SP2: variants seen among roughly 807,000 people sequenced by gnomAD.
The protein encoded by SP2 is transcription factor Sp2.
In SP2, 9 loss-of-function variants were observed where a neutral mutation model predicts 50.1. The observed-to-expected ratio is 0.18, with a 90% confidence interval of 0.11 to 0.31. The LOEUF (loss-of-function observed/expected upper bound fraction) is 0.31. SP2 is among the 10% of genes least tolerant of loss of function. The pLI, the probability that SP2 is intolerant of heterozygous loss-of-function variation, is 1.00. For synonymous variants in SP2, 313 were observed against 326.6 expected, an observed-to-expected ratio of 0.96 and a Z score of 0.45; for missense variants, 581 against 806.5, an observed-to-expected ratio of 0.72 and a Z score of 3.39.
At chr17:47,896,584 G>C (rs893179107) in intron 1 of SP2, among the ~76,000 whole-genome samples, 1 of 152,160 alleles carries the variant, frequency 6.6e-6, no homozygotes, top group Non-Finnish European at 1.5e-5. Context: ...AGCGGGCACC[G>C]GGGTGGCCTG....
Position 47,916,231 on chromosome 17 carries a change from G to A in SP2, c.160G>A (p.Val54Met), listed in dbSNP as rs775289047. The A allele has an allele frequency of 2.5e-6, 4 of 1,613,924 alleles. No homozygotes were observed. The highest frequency in any genetic ancestry group is 1.6e-4 in the Middle Eastern group (1 of 6,084). Residue 54 changes from valine (V) to methionine (M), a missense_variant, in exon 3 of 7, where the codon GTG becomes ATG. By Grantham distance (21) the Val-to-Met change is conservative (BLOSUM62 1). Transcript: ENST00000376741. This position sits in a 1 kb window ranked among gnomAD's most constrained non-coding sequence, Gnocchi z 4.7. ...KIGPPAVEAA[V>M]TPPAPPQPTP... ...TGGCCCTCCAGCAGTTGAAGCTGCTGTGACACCTCCTGCTCCCCCACAGCC... is the reference window on the plus strand; with the variant it reads ...TGGCCCTCCAGCAGTTGAAGCTGCTATGACACCTCCTGCTCCCCCACAGCC...
chr17:47,923,245 G>A lies in SP2; in HGVS notation c.1343G>A (p.Gly448Asp), dbSNP rs955997836. The A allele has an allele frequency of 1.2e-6, 2 of 1,606,920 alleles. No homozygotes were observed. The highest frequency in any genetic ancestry group is 2.7e-5 in the African/African-American group (2 of 75,068). The change falls in exon 4 of 7, where the codon GGC (glycine) becomes GAC (aspartate). Residue 448 changes from glycine (G) to aspartate (D), a missense_variant. Around this residue, in one of 2 missense-constraint regions of SP2, gnomAD observed 184 missense variants for 315.5 expected, o/e 0.58. Transcript: ENST00000376741. ...AACATCAATGGTGTCCAGGTCCAGG[G>A]CGTGCCTGTCACCATCACCAACACA... Reference protein sequence around the residue: ...TININGVQVQGVPVTITNTGG... With the variant: ...TININGVQVQDVPVTITNTGG...
intron 3 of SP2, among the ~76,000 whole-genome samples, chr17:47,922,444 T>C (rs1168607789): frequency 6.6e-6 from 1 of 152,252 alleles, no homozygotes; most frequent in Non-Finnish European, 1.5e-5. Flanking sequence ...TTTTCCATGT[T>C]TGTCAATCTG....
chr17:47,925,889 G>T (rs1484793372), intron 6 of SP2, among the ~76,000 whole-genome samples: 3 of 134,638 alleles, frequency 2.2e-5, no homozygotes, highest in Non-Finnish European at 4.7e-5. Context: ...TTTATGGGAA[G>T]ATACTTTGTT....
At chr17:47,920,712 C>T (rs1329757110) in intron 3 of SP2, among the ~76,000 whole-genome samples, 1 of 152,214 alleles carries the variant, frequency 6.6e-6, no homozygotes, top group Non-Finnish European at 1.5e-5. Flanking sequence ...CGAGCCACCA[C>T]ACCCAGCCTT....
In SP2 at chr17:47,927,743, C is replaced by T. The variant is rs75562971; in HGVS notation, c.1761C>T (p.Cys587=). 4.4e-4 allele frequency: 702 copies of T among 1,588,770 alleles called. 6 individuals carry two copies. In the African/African-American group the frequency reaches 7.7e-3, roughly 17 times the overall value. The change falls in exon 7 of 7, where the codon TGC becomes TGT. Residue 587 remains cysteine (C), a synonymous_variant. Coordinates refer to ENST00000376741, the MANE Select transcript of SP2 (RefSeq NM_003110.6). ...TCCCAGGGGACAAACGCTTCGAGTG[C>T]GCCCAGTGTCAGAAGCGCTTCATGA... The part of the protein sequence containing the change: ...RTHTGDKRFE[C]AQCQKRFMRS...
intron 4 of SP2, among the ~76,000 whole-genome samples, chr17:47,923,917 G>T (rs2035555397): frequency 6.6e-6 from 1 of 152,092 alleles, no homozygotes; most frequent in African/African-American, 2.4e-5. Context: ...GGCCAGGCTG[G>T]TCTTGAACTC....
At position 47,896,259 on chromosome 17, in the gene SP2, G is replaced by T; in HGVS notation, c.-28G>T. The T allele has an allele frequency of 8.1e-7, 1 of 1,235,148 alleles. No individual in the cohort carries two copies. The allele number at this position is 1,235,148 out of a possible 1,614,324, so 76.5% of individuals were successfully genotyped here. ...TCAGGCTCTCGGTGGCGGCGGAGGC[G>T]GCGGAGGCCAGGGAGGAAGATGTCG... is the stretch of plus-strand genomic sequence containing the variant. On this transcript the variant is annotated 5_prime_UTR_variant, in exon 1 of 7. Transcript: ENST00000376741.
In SP2 at chr17:47,927,771, A is replaced by G; in HGVS notation, c.1789A>G (p.Ser597Gly). The change falls in exon 7 of 7, where the codon AGT becomes GGT. Residue 597 changes from serine to glycine, a missense_variant. Ser to Gly is a moderately conservative substitution (Grantham distance 56). Around this residue, in one of 2 missense-constraint regions of SP2, gnomAD observed 184 missense variants for 315.5 expected, o/e 0.58. Transcript: ENST00000376741. ...CAQCQKRFMR[S>G]DHLTKHYKTH... ...CCAGTGTCAGAAGCGCTTCATGAGG[A>G]GTGACCACCTCACCAAGCATTACAA... The G allele has an allele frequency of 6.3e-7, 1 of 1,599,438 alleles. No homozygotes were observed. The highest frequency in any genetic ancestry group is 8.5e-7 in the Non-Finnish European group (1 of 1,172,748).
chr17:47,899,681 G>A (rs2034463737), intron 1 of SP2: 1 of 152,268 alleles, frequency 6.6e-6, no homozygotes, highest in Admixed American at 6.5e-5. Flanking sequence ...AGCACCGGCA[G>A]CTTAGGGGAA....
At chr17:47,915,263 G>A (rs374917367) in intron 1 of SP2, 49 bp from the exon 2 acceptor site, 12 of 1,331,818 alleles carry the variant, frequency 9.0e-6, no homozygotes, top group South Asian at 1.3e-5. Context: ...GTGGGCTTGC[G>A]TTCTTTTTGG....
At chr17:47,901,387 C>T (rs1163153230) in intron 1 of SP2, among the ~76,000 whole-genome samples, 1 of 152,046 alleles carries the variant, frequency 6.6e-6, no homozygotes, top group East Asian at 1.9e-4. Flanking sequence ...CCTCGTGATC[C>T]ATCCGCCTCA....
At chr17:47,931,708 T>C (rs1167793957), downstream of SP2, among the ~76,000 whole-genome samples, 1 of 152,244 alleles carries the variant, frequency 6.6e-6, no homozygotes, top group Non-Finnish European at 1.5e-5. Context: ...AGGCATCTTC[T>C]CTGCCTTCTA....
At chr17:47,906,310 A>T (rs2034759998) in intron 1 of SP2, among the ~76,000 whole-genome samples, 1 of 152,178 alleles carries the variant, frequency 6.6e-6, no homozygotes, top group African/African-American at 2.4e-5. Context: ...CTGATTGGAG[A>T]TACCAGAAGA....
chr17:47,915,792 C>G (rs2035176347), intron 2 of SP2, among the ~76,000 whole-genome samples: 1 of 152,146 alleles, frequency 6.6e-6, no homozygotes, highest in African/African-American at 2.4e-5. Flanking sequence ...CAATCAGGGA[C>G]CCCTCAGTCC....
intron 1 of SP2, among the ~76,000 whole-genome samples, chr17:47,903,971 A>G (rs1414569117): frequency 1.4e-5 from 2 of 146,256 alleles, no homozygotes; most frequent in Non-Finnish European, 3.0e-5. Flanking sequence ...TCAAAAAAAA[A>G]AAAGAAGTAG....
intron 1 of SP2, among the ~76,000 whole-genome samples, chr17:47,910,919 A>C (rs571765893): frequency 1.1e-4 from 17 of 152,290 alleles, no homozygotes; most frequent in Non-Finnish European, 1.9e-4. Context: ...TCTATGGTAT[A>C]TGTTCATTTT....
chr17:47,903,269 C>T (rs1283945923), intron 1 of SP2, among the ~76,000 whole-genome samples: 1 of 152,188 alleles, frequency 6.6e-6, no homozygotes, highest in African/African-American at 2.4e-5. Context: ...GCAACCCAAT[C>T]ATTTAGAATT....
rs2034589588 is a variant in SP2 at position 47,902,724 on chromosome 17, GCA to G, written c.7+6433_7+6434del. Among the ~76,000 whole-genome samples the G allele has an allele frequency of 2.0e-5, 3 of 152,174 alleles. No homozygotes were observed. In the South Asian group the frequency reaches 6.2e-4, roughly 32 times the overall value. On this transcript the variant is annotated intron_variant, in intron 1 of 6. Transcript: ENST00000376741. ...TCACAGGATTAGGACAATATCGGGAGCACTGTTTGGGGCTAGTTAGATTTTTG... is the reference window on the plus strand; with the variant it reads ...TCACAGGATTAGGACAATATCGGGAGCTGTTTGGGGCTAGTTAGATTTTTG...
Sources: gnomAD v4.1 joint callset for allele counts (sites outside exome capture counted in the v4.1 genomes callset) on GRCh38, gnomAD v4.1.1 for gene constraint, gnomAD v4.1.1 regional missense constraint, Gnocchi (gnomAD v3.1) non-coding constraint, MANE v1.5 for transcripts, NCBI Gene and HGNC (gene_info 2026-07-23, HGNC 2026-07-21) for gene names.